Variants in KLF12 observed in about 807,000 individuals in gnomAD.
The protein encoded by KLF12 is KLF transcription factor 12.
Under a neutral mutation model 37.8 loss-of-function variants are expected in KLF12, and 9 were observed. The observed-to-expected ratio is 0.24, with a 90% confidence interval of 0.14 to 0.42. The LOEUF is 0.42. Ranked by LOEUF, KLF12 falls within the 10% of genes least tolerant of loss-of-function variation. KLF12 has a pLI of 1.00. For missense variants in KLF12, 411 were observed against 516.0 expected (o/e 0.80, Z 1.97); for synonymous variants, 208 against 202.1 (o/e 1.03, Z -0.25).
chr13:73,971,156 G>A (rs557887687), intron 2 of KLF12, among the ~76,000 whole-genome samples: 19 of 152,134 alleles, frequency 1.2e-4, no homozygotes, highest in Admixed American at 2.0e-4. Context: ...ACATGGTTCC[G>A]CCAAAAAAAT....
chr13:74,105,157 C>G (rs1223545279), intron 1 of KLF12, among the ~76,000 whole-genome samples: 3 of 152,036 alleles, frequency 2.0e-5, no homozygotes, highest in African/African-American at 7.2e-5. Context: ...ATTTATAAAC[C>G]TCTTAAGTTG....
the KLF12 span, among the ~76,000 whole-genome samples, chr13:74,265,798 T>C: frequency 6.6e-6 from 1 of 152,196 alleles, no homozygotes; most frequent in African/African-American, 2.4e-5. Flanking sequence ...ATAAGAGTTA[T>C]TATGAAAGGA....
chr13:74,254,453 T>C, the KLF12 span, among the ~76,000 whole-genome samples: 1 of 152,238 alleles, frequency 6.6e-6, no homozygotes, highest in Non-Finnish European at 1.5e-5. Flanking sequence ...TTCTTTTAAT[T>C]CTGAGAACAA....
chr13:73,872,490 G>A lies in KLF12; in HGVS notation c.124-26117C>T, dbSNP rs1231898981. On this transcript the variant is annotated intron_variant, in intron 3 of 7. Transcript: ENST00000377669. ...ATGTAAGGTGGGTGACCCCTCACAT[G>A]AGAACTGGCAATGGGAAGACAGTGA... 5.9e-5 allele frequency among the ~76,000 whole-genome samples: 9 copies of A among 152,310 alleles called. No individual in the cohort carries two copies. The South Asian group carries it at 1.2e-3, about 21-fold the overall frequency.
the KLF12 span, among the ~76,000 whole-genome samples, chr13:74,302,728 A>G: frequency 6.6e-6 from 1 of 152,076 alleles, no homozygotes; most frequent in Non-Finnish European, 1.5e-5. Context: ...CATTGCTCAC[A>G]TGTCCAATGT....
At chr13:74,130,194 T>C (rs1413731467) in intron 1 of KLF12, among the ~76,000 whole-genome samples, 1 of 152,198 alleles carries the variant, frequency 6.6e-6, no homozygotes, top group East Asian at 1.9e-4. Flanking sequence ...TTACATTCTG[T>C]ACACAGTTAA....
chr13:74,305,425 C>A, the KLF12 span, among the ~76,000 whole-genome samples: 1 of 152,020 alleles, frequency 6.6e-6, no homozygotes, highest in Admixed American at 6.6e-5. Flanking sequence ...AGGGTCACTA[C>A]ATATTTAGTT....
chr13:73,898,442 T>G (rs1008801753), intron 3 of KLF12, among the ~76,000 whole-genome samples: 2 of 152,222 alleles, frequency 1.3e-5, no homozygotes, highest in African/African-American at 4.8e-5. Context: ...CCACTTCCTA[T>G]TTAATGACAG....
chr13:73,749,471 C>T (rs980805079), intron 6 of KLF12, among the ~76,000 whole-genome samples: 33 of 151,940 alleles, frequency 2.2e-4, no homozygotes, highest in African/African-American at 7.3e-4. Context: ...ATTAGCACAG[C>T]CAAAGGAAAA....
chr13:74,143,809 T>C, the KLF12 span, among the ~76,000 whole-genome samples: 3 of 152,234 alleles, frequency 2.0e-5, no homozygotes, highest in East Asian at 5.8e-4. Context: ...TTCAATAAAC[T>C]ACATGAGATA....
the KLF12 span, among the ~76,000 whole-genome samples, chr13:74,274,910 T>C: frequency 4.6e-5 from 7 of 152,316 alleles, no homozygotes; most frequent in East Asian, 1.3e-3. Flanking sequence ...TATTTGGATG[T>C]TTTAAATTTT....
chr13:74,173,822 G>A, the KLF12 span, among the ~76,000 whole-genome samples: 2 of 152,176 alleles, frequency 1.3e-5, no homozygotes, highest in Admixed American at 1.3e-4. Flanking sequence ...CCTTTCTGGG[G>A]TTATATAGCT....
At chr13:74,054,097 G>T (rs545452448) in intron 1 of KLF12, among the ~76,000 whole-genome samples, 1 of 152,160 alleles carries the variant, frequency 6.6e-6, no homozygotes, top group African/African-American at 2.4e-5. Context: ...ATTTTAAATT[G>T]CTCCAGAATA....
chr13:73,802,840 C>T (rs1366222498), intron 5 of KLF12, among the ~76,000 whole-genome samples: 2 of 152,078 alleles, frequency 1.3e-5, no homozygotes, highest in African/African-American at 4.8e-5. Flanking sequence ...ATGGGATATA[C>T]AGGTATGTAC....
the KLF12 span, among the ~76,000 whole-genome samples, chr13:74,221,360 A>T: frequency 6.6e-6 from 1 of 151,366 alleles, no homozygotes; most frequent in Non-Finnish European, 1.5e-5. Context: ...AATGCTTCCT[A>T]TGTTTTCTAT....
rs7985521 is a variant in KLF12 at position 73,688,917 on chromosome 13, C to T, written c.*6573G>A. On this transcript the variant is annotated 3_prime_UTR_variant, in exon 8 of 8. Transcript: ENST00000377669. ...AGATAGGCGGTTTCACTTTCCTACT[C>T]TGCCGTTTACTATTTCTACATCCAT... 105,743 of 151,920 alleles carry T rather than the reference C, an allele frequency of 0.7. 38,579 individuals carry two copies. Among genetic ancestry groups the T allele is most frequent in the Non-Finnish European group, 0.79 (54,002 of 67,974 alleles). The allele number at this position is 151,920 out of a possible 1,614,324, so 9.4% of individuals were successfully genotyped here. A position where few individuals can be genotyped will look rare whatever the true frequency, so the allele number is the denominator to read the frequency against.
At chr13:73,991,053 C>A (rs751707332) in intron 2 of KLF12, among the ~76,000 whole-genome samples, 3 of 152,100 alleles carry the variant, frequency 2.0e-5, no homozygotes, top group Admixed American at 2.0e-4. Context: ...ATTCCATAAT[C>A]TTTCCCAAAT....
chr13:73,916,786 T>G (rs1266678139), intron 3 of KLF12, among the ~76,000 whole-genome samples: 1 of 152,168 alleles, frequency 6.6e-6, no homozygotes, highest in Non-Finnish European at 1.5e-5. Flanking sequence ...TAAATTAATA[T>G]ATTAATATTT....
intron 5 of KLF12, among the ~76,000 whole-genome samples, chr13:73,796,193 TCTGA>T (rs752447813): frequency 5.3e-5 from 8 of 152,208 alleles, no homozygotes; most frequent in Non-Finnish European, 7.3e-5. Flanking sequence ...CCTTCACTCC[TCTGA>T]CTGTCATTCT....
Sources: allele counts gnomAD v4.1 joint callset (sites outside exome capture counted in the v4.1 genomes callset), GRCh38; gene constraint gnomAD v4.1.1; transcripts MANE v1.5; gene names NCBI Gene and HGNC (gene_info 2026-07-23, HGNC 2026-07-21).